The following KIF1B variants were observed in gnomAD, a reference collection of about 807,000 sequenced individuals.
The protein encoded by KIF1B is kinesin family member 1B, also known as kinesin-like protein KIF1B.
KIF1B carries 76 observed loss-of-function variants against 241.9 expected under a neutral mutation model. The observed-to-expected ratio is 0.31, with a 90% CI of 0.26 to 0.38. KIF1B has a LOEUF of 0.38. Among genes scored for constraint, KIF1B ranks in the 10% least tolerant of loss-of-function variants. The pLI is 1.00. For synonymous variants in KIF1B, 750 were observed against 796.7 expected, an observed-to-expected ratio of 0.94 and a Z score of 0.99; for missense variants, 1,622 against 2,271.4, an observed-to-expected ratio of 0.71 and a Z score of 5.81.
chr1:10,366,359 G>A (rs12128374), intron 43 of KIF1B, among the ~76,000 whole-genome samples: 80,867 of 152,064 alleles, frequency 0.53, 22,201 homozygotes, highest in African/African-American at 0.67. Context: ...AAGTGTCTAT[G>A]GTGGGGAGCT....
rs34836490 is a variant in KIF1B at position 10,370,572 on chromosome 1, AAATAAT to A, written c.4825-551_4825-546del. 7.2e-4 allele frequency among the ~76,000 whole-genome samples: 104 copies of A among 144,970 alleles called. 1 individual carries two copies. The highest frequency in any genetic ancestry group is 8.7e-4 in the South Asian group (4 of 4,576). ...TAGCAAGACCTTATCTCGAAAAAGAAAATAATAATAATAATAATAATAAGAAGAAGA... is the reference window on the plus strand; with the variant it reads ...TAGCAAGACCTTATCTCGAAAAAGAAAATAATAATAATAATAAGAAGAAGA... On this transcript the variant is annotated intron_variant, in intron 44 of 48. Coordinates refer to ENST00000676179, the MANE Select transcript of KIF1B (RefSeq NM_001365951.3).
At chr1:10,257,022 A>C (rs1036708599) in intron 3 of KIF1B, among the ~76,000 whole-genome samples, 9 of 151,214 alleles carry the variant, frequency 6.0e-5, no homozygotes, top group South Asian at 2.1e-4. Context: ...GGAAATGCCA[A>C]ATTAAAATTG....
intron 3 of KIF1B, among the ~76,000 whole-genome samples, chr1:10,257,636 A>G (rs1027151896): frequency 2.0e-5 from 3 of 148,920 alleles, no homozygotes; most frequent in Admixed American, 2.0e-4. Context: ...CTTCTGCATC[A>G]TTCATCTCTT....
intron 2 of KIF1B, among the ~76,000 whole-genome samples, chr1:10,244,315 C>CTTT (rs571243520): frequency 3.9e-5 from 5 of 127,538 alleles, no homozygotes; most frequent in African/African-American, 8.9e-5. Flanking sequence ...TTTTTCTTTT[C>CTTT]TTTTTTTTTT....
At chr1:10,304,269 A>G in intron 22 of KIF1B, 5 of 1,614,210 alleles carry the variant, frequency 3.1e-6, no homozygotes, top group Non-Finnish European at 3.4e-6. Context: ...TGAGAAGTCA[A>G]GATCACATCC....
In KIF1B at chr1:10,365,192, A is replaced by G. The variant is rs1638533511; in HGVS notation, c.4459A>G (p.Ser1487Gly). 6.2e-7 allele frequency: 1 copy of G among 1,613,966 alleles called. No homozygotes were observed. Among genetic ancestry groups the G allele is most frequent in the South Asian group, 1.1e-5 (1 of 91,076 alleles). Reference protein sequence around the residue: ...NLAGWRPRGDSLILEHQWELE... With the variant: ...NLAGWRPRGDGLILEHQWELE... ...AGCAGGCTGGCGGCCCCGTGGAGAC[A>G]GCCTCATCCTTGAGCACCAGTGGGA... The change falls in exon 42 of 49, where the codon AGC (serine) becomes GGC (glycine). Residue 1487 changes from serine (S) to glycine (G), a missense_variant. This residue lies in a region of KIF1B where 803 missense variants were observed against 1,112.0 expected (regional missense o/e 0.72). Transcript: ENST00000676179. The surrounding 1 kb of genome is among the most constrained non-coding windows in gnomAD (Gnocchi z 4.0).
chr1:10,355,070 T>C (rs1370086292), intron 38 of KIF1B, among the ~76,000 whole-genome samples: 5 of 152,220 alleles, frequency 3.3e-5, no homozygotes, highest in Admixed American at 6.5e-5. Context: ...CCACAGCAAC[T>C]TCCTATTATT....
intron 5 of KIF1B, among the ~76,000 whole-genome samples, chr1:10,265,562 A>G (rs1648411388): frequency 6.6e-6 from 1 of 152,146 alleles, no homozygotes; most frequent in Non-Finnish European, 1.5e-5. Context: ...ACACAAATTA[A>G]GGCCAGGTGC....
intron 1 of KIF1B, among the ~76,000 whole-genome samples, chr1:10,215,168 ATATATTTTTTTTTT>A (rs1646750748): frequency 1.9e-5 from 1 of 53,856 alleles, no homozygotes; most frequent in Admixed American, 2.1e-4. Context: ...ATATATATAT[ATATATTTTTTTTTT>A]TTTTTTTTTT....
chr1:10,218,700 C>G (rs72864196), intron 1 of KIF1B, among the ~76,000 whole-genome samples: 5,416 of 152,250 alleles, frequency 0.036, 120 homozygotes, highest in Middle Eastern at 0.13. Flanking sequence ...GGATTATACG[C>G]GTGAGCCACG....
In KIF1B at chr1:10,376,834, AACAC is replaced by A. The variant is rs111663673; in HGVS notation, c.*277_*280del. ...CTAACAAAAGGAAAAAATGTTTTTA[AACAC>A]ACACACACACACACACACACACACA... On this transcript the variant is annotated 3_prime_UTR_variant, in exon 49 of 49. Coordinates refer to ENST00000676179, the MANE Select transcript of KIF1B (RefSeq NM_001365951.3). The A allele has an allele frequency of 0.011, 4,843 of 437,404 alleles. 32 individuals carry two copies. The highest frequency in any genetic ancestry group is 0.043 in the African/African-American group (2,076 of 48,522). 27.1% of individuals were successfully genotyped at this position (437,404 alleles called of 1,614,324 possible). A position where few individuals can be genotyped will look rare whatever the true frequency, so the allele number is the denominator to read the frequency against.
intron 5 of KIF1B, among the ~76,000 whole-genome samples, chr1:10,264,670 T>A (rs535661447): frequency 6.6e-6 from 1 of 151,376 alleles, no homozygotes; most frequent in South Asian, 2.1e-4. Context: ...CAGAGTTGTC[T>A]TTTTTTTTGG....
chr1:10,306,223 C>A, intron 22 of KIF1B: 1 of 1,041,290 alleles, frequency 9.6e-7, no homozygotes. Flanking sequence ...CAGTTGAAGT[C>A]TTCAACTGAG....
chr1:10,351,073 C>CAAAAA (rs35072176), intron 37 of KIF1B, among the ~76,000 whole-genome samples: 4 of 104,664 alleles, frequency 3.8e-5, no homozygotes, highest in Admixed American at 1.0e-4. Context: ...AAGACCCTGT[C>CAAAAA]AAAAAAAAAA....
intron 2 of KIF1B, among the ~76,000 whole-genome samples, chr1:10,242,366 G>GTATA (rs1353563994): frequency 6.6e-6 from 1 of 152,088 alleles, no homozygotes; most frequent in Non-Finnish European, 1.5e-5. Flanking sequence ...TAGGCTCTGT[G>GTATA]GTATAGCCTG....
rs1305763902 is a variant in KIF1B at position 10,295,778 on chromosome 1, T to C, written c.1777+12T>C. On this transcript the variant is annotated intron_variant, in intron 19 of 48. Transcript: ENST00000676179. The stretch of plus-strand genomic sequence containing the variant: ...CAACAGCGGGGAAGGTGAGCATTCC[T>C]GGCTGGAGCTTCAGCAACAACATTT... 3 of 1,592,758 alleles carry C rather than the reference T, an allele frequency of 1.9e-6. No homozygotes were observed. Among genetic ancestry groups the C allele is most frequent in the Non-Finnish European group, 2.6e-6 (3 of 1,161,000 alleles).
chr1:10,218,525 A>G (rs1646798671), intron 1 of KIF1B, among the ~76,000 whole-genome samples: 1 of 151,516 alleles, frequency 6.6e-6, no homozygotes, highest in Admixed American at 6.6e-5. Context: ...GGTTCAAGTG[A>G]TTCTCCTGCC....
chr1:10,278,975 C>A, intron 13 of KIF1B, 122 bp from the exon 14 acceptor site: 1 of 565,034 alleles, frequency 1.8e-6, no homozygotes, highest in Non-Finnish European at 3.3e-6. Flanking sequence ...AAAATGATAC[C>A]GTATTCTAAG....
In KIF1B at chr1:10,242,107, T is replaced by C. The variant is rs559570891; in HGVS notation, c.106+9673T>C. Among the ~76,000 whole-genome samples the C allele has an allele frequency of 5.3e-5, 8 of 152,280 alleles. No homozygotes were observed. The East Asian group carries it at 1.5e-3, about 29-fold the overall frequency. Reference sequence around the variant, plus strand: ...AATAAGAAATACGAAGTTAGGTTTTTGAGAGCACCTATAGGAAATTAGGTT... The same window carrying C: ...AATAAGAAATACGAAGTTAGGTTTTCGAGAGCACCTATAGGAAATTAGGTT... On this transcript the variant is annotated intron_variant, in intron 2 of 48. Transcript: ENST00000676179.
Sources: gnomAD v4.1 joint callset for allele counts (sites outside exome capture counted in the v4.1 genomes callset) on GRCh38, gnomAD v4.1.1 for gene constraint, gnomAD v4.1.1 regional missense constraint, Gnocchi (gnomAD v3.1) non-coding constraint, MANE v1.5 for transcripts, NCBI Gene and HGNC (gene_info 2026-07-23, HGNC 2026-07-21) for gene names.